Variants in CXCL8 observed in about 807,000 individuals in gnomAD.
The protein encoded by CXCL8 is interleukin-8.
CXCL8 carries 12 observed loss-of-function variants against 10.9 expected under a neutral mutation model. The ratio of observed to expected loss-of-function variants is 1.10; its 90% CI spans 0.71 to 1.79. The LOEUF is 1.79. CXCL8 is among the 40% of genes most tolerant of loss of function. CXCL8 has a pLI of 0.00. For synonymous variants in CXCL8, 41 were observed against 39.6 expected, an observed-to-expected ratio of 1.03 and a Z score of -0.13; for missense variants, 145 against 113.4, an observed-to-expected ratio of 1.28 and a Z score of -1.26.
At chr4:73,741,901 G>A in intron 2 of CXCL8, 48 bp from the exon 3 acceptor site, 1 of 1,393,344 alleles carries the variant, frequency 7.2e-7, no homozygotes, top group South Asian at 1.2e-5. Context: ...ATCATGATTT[G>A]AATGCAAAAA....
chr4:73,740,921 T>C (rs1729155339), intron 1 of CXCL8, among the ~76,000 whole-genome samples, 199 bp downstream of exon 1: 2 of 152,194 alleles, frequency 1.3e-5, no homozygotes, highest in Admixed American at 1.3e-4. Flanking sequence ...GTTTGATCAA[T>C]ATAGATATTC....
chr4:73,743,640 T>C lies in CXCL8; in HGVS notation c.*1176T>C, dbSNP rs1274746409. On this transcript the variant is annotated 3_prime_UTR_variant, in exon 4 of 4. Transcript: ENST00000307407. The stretch of plus-strand genomic sequence containing the variant: ...GATGTTTTTATGTGCTCTCCAAATT[T>C]TTTTTACTGTTTCTGATTGTATGGA... 1.5e-5 allele frequency: 3 copies of C among 201,544 alleles called. No individual in the cohort carries two copies. The highest frequency in any genetic ancestry group is 3.0e-5 in the Non-Finnish European group (3 of 98,526). The allele number at this position is 201,544 out of a possible 1,614,324, so 12.5% of individuals were successfully genotyped here. A position where few individuals can be genotyped will look rare whatever the true frequency, so the allele number is the denominator to read the frequency against.
rs911217748 is a variant in CXCL8 at position 73,742,789 on chromosome 4, T to C, written c.*325T>C. 3.2e-5 allele frequency: 8 copies of C among 253,582 alleles called. No individual in the cohort carries two copies. Among genetic ancestry groups the C allele is most frequent in the Admixed American group, 1.1e-4 (2 of 18,332 alleles). The allele number at this position is 253,582 out of a possible 1,614,324, so 15.7% of individuals were successfully genotyped here. ...ATTGAGGCCAAGGGCCAAGAGAATA[T>C]CCGAACTTTAATTTCAGGAATTGAA... is the stretch of plus-strand genomic sequence containing the variant. On this transcript the variant is annotated 3_prime_UTR_variant, in exon 4 of 4. Coordinates refer to ENST00000307407, the MANE Select transcript of CXCL8 (RefSeq NM_000584.4).
At chr4:73,741,708 GT>G (rs1365347559) in intron 2 of CXCL8, 31 bp downstream of exon 2, 1 of 1,594,464 alleles carries the variant, frequency 6.3e-7, no homozygotes, top group Non-Finnish European at 8.6e-7. Context: ...TAGATATTTT[GT>G]TTTAGCAAAC....
Position 73,741,424 on chromosome 4 carries a change from C to T in CXCL8, c.65-118C>T, listed in dbSNP as rs1729169416. On this transcript the variant is annotated intron_variant, in intron 1 of 3. Transcript: ENST00000307407. The stretch of plus-strand genomic sequence containing the variant: ...AGGAGAATATTCAGGAATGAGTTCA[C>T]TAGAAACATGATGCCTTCCATAGTC... 8 of 951,098 alleles carry T rather than the reference C, an allele frequency of 8.4e-6. No homozygotes were observed. The South Asian group carries it at 1.4e-4, about 16-fold the overall frequency. The allele number at this position is 951,098 out of a possible 1,614,324, so 58.9% of individuals were successfully genotyped here.
Position 73,741,975 on chromosome 4 carries a change from TC to T in CXCL8, c.228del (p.Cys77ValfsTer17). Reference sequence around the variant, plus strand: ...GTAAAGCTTTCTGATGGAAGAGAGCTCTGTCTGGACCCCAAGGAAAACTGGG... The same window carrying T: ...GTAAAGCTTTCTGATGGAAGAGAGCTTGTCTGGACCCCAAGGAAAACTGGG... ...IIVKLSDGRE[L>X]CLDPKENWVQ... On this transcript the variant is annotated frameshift_variant, in exon 3 of 4. Coordinates refer to ENST00000307407, the MANE Select transcript of CXCL8 (RefSeq NM_000584.4). LOFTEE classifies it high-confidence loss of function. The T allele has an allele frequency of 1.9e-6, 3 of 1,611,286 alleles. No homozygotes were observed. The Admixed American group carries it at 5.0e-5, about 27-fold the overall frequency.
chr4:73,740,622 GAAA>G lies in CXCL8; in HGVS notation c.-36_-34del. On this transcript the variant is annotated 5_prime_UTR_variant, in exon 1 of 4. Transcript: ENST00000307407. ...AAGCTTCTAGGACAAGAGCCAGGAA[GAAA>G]CCACCGGAAGGAACCATCTCACTGT... 1 of 1,601,046 alleles carries G rather than the reference GAAA, an allele frequency of 6.2e-7. No homozygotes were observed.
intron 2 of CXCL8, 130 bp downstream of exon 2, chr4:73,741,807 T>A: frequency 9.5e-7 from 1 of 1,056,780 alleles, no homozygotes; most frequent in South Asian, 1.4e-5. Flanking sequence ...TAAAAATATT[T>A]GTCTACATGA....
chr4:73,740,649 G>T lies in CXCL8; in HGVS notation c.-10G>T. On this transcript the variant is annotated 5_prime_UTR_variant, in exon 1 of 4. Transcript: ENST00000307407. ...AACCACCGGAAGGAACCATCTCACTGTGTGTAAACATGACTTCCAAGCTGG... is the reference window on the plus strand; with the variant it reads ...AACCACCGGAAGGAACCATCTCACTTTGTGTAAACATGACTTCCAAGCTGG... 1 of 1,613,052 alleles carries T rather than the reference G, an allele frequency of 6.2e-7. No individual in the cohort carries two copies.
chr4:73,741,823 A>AT, intron 2 of CXCL8, 126 bp from the exon 3 acceptor site: 1 of 1,056,632 alleles, frequency 9.5e-7, no homozygotes, highest in Non-Finnish European at 1.4e-6. Flanking sequence ...CATGACATTT[A>AT]AATATGGTAG....
At chr4:73,740,751 T>C (rs1234665331) in intron 1 of CXCL8, 29 bp downstream of exon 1, 3 of 1,597,092 alleles carry the variant, frequency 1.9e-6, no homozygotes, top group Non-Finnish European at 2.6e-6. Flanking sequence ...CCTACAGCGT[T>C]TTCCTATGTC....
chr4:73,740,689 G>A lies in CXCL8; in HGVS notation c.31G>A (p.Ala11Thr). 1.2e-6 allele frequency: 2 copies of A among 1,613,566 alleles called. No individual in the cohort carries two copies. The highest frequency in any genetic ancestry group is 1.7e-4 in the Middle Eastern group (1 of 6,058). The part of the protein sequence containing the change: MTSKLAVALL[A>T]AFLISAALCE... ...TTCCAAGCTGGCCGTGGCTCTCTTG[G>A]CAGCCTTCCTGATTTCTGCAGCTCT... Residue 11 changes from alanine to threonine, a missense_variant, in exon 1 of 4, where the codon GCA becomes ACA. Ala to Thr is a moderately conservative substitution (Grantham distance 58). Coordinates refer to ENST00000307407, the MANE Select transcript of CXCL8 (RefSeq NM_000584.4).
At chr4:73,741,045 G>A (rs1729158533) in intron 1 of CXCL8, among the ~76,000 whole-genome samples, 1 of 152,084 alleles carries the variant, frequency 6.6e-6, no homozygotes, top group South Asian at 2.1e-4. Context: ...ATTGAGTTGA[G>A]CAAGGTAACT....
In CXCL8 at chr4:73,743,705, T is replaced by C. The variant is rs1385563655; in HGVS notation, c.*1241T>C. 5.1e-6 allele frequency: 1 copy of C among 195,258 alleles called. No homozygotes were observed. The highest frequency in any genetic ancestry group is 1.1e-5 in the Non-Finnish European group (1 of 94,784). The allele number at this position is 195,258 out of a possible 1,614,324, so 12.1% of individuals were successfully genotyped here. A position where few individuals can be genotyped will look rare whatever the true frequency, so the allele number is the denominator to read the frequency against. On this transcript the variant is annotated 3_prime_UTR_variant, in exon 4 of 4. Transcript: ENST00000307407. ...TATGAAACATTTAAAATATAATTTG[T>C]TGTCAAAGTAATCAAGTGTTTGTCT...
intron 2 of CXCL8, 40 bp downstream of exon 2, chr4:73,741,717 A>G: frequency 6.4e-7 from 1 of 1,573,068 alleles, no homozygotes; most frequent in South Asian, 1.1e-5. Context: ...TGTTTTAGCA[A>G]ACTTAAAATT....
intron 2 of CXCL8, 61 bp from the exon 3 acceptor site, chr4:73,741,888 G>A: frequency 7.7e-7 from 1 of 1,291,850 alleles, no homozygotes; most frequent in South Asian, 1.2e-5. Context: ...CCTGACTTAA[G>A]GAATCATGAT....
chr4:73,740,681 C>A lies in CXCL8; in HGVS notation c.23C>A (p.Ala8Asp), dbSNP rs202202182. The A allele has an allele frequency of 6.2e-7, 1 of 1,613,516 alleles. No individual in the cohort carries two copies. Among genetic ancestry groups the A allele is most frequent in the African/African-American group, 1.3e-5 (1 of 74,874 alleles). The change falls in exon 1 of 4, where the codon GCT becomes GAT. Residue 8 changes from alanine to aspartate, a missense_variant. Ala to Asp is a moderately radical substitution (Grantham distance 126, BLOSUM62 -2). Transcript: ENST00000307407. MTSKLAV[A>D]LLAAFLISAA... ...AACATGACTTCCAAGCTGGCCGTGG[C>A]TCTCTTGGCAGCCTTCCTGATTTCT... is the stretch of plus-strand genomic sequence containing the variant.
Position 73,741,532 on chromosome 4 carries a change from C to A in CXCL8, c.65-10C>A. 1 of 1,609,652 alleles carries A rather than the reference C, an allele frequency of 6.2e-7. No homozygotes were observed. Among genetic ancestry groups the A allele is most frequent in the Non-Finnish European group, 8.5e-7 (1 of 1,178,212 alleles). ...TAAAATCAATCCTTAATCACTTTTT[C>A]CCCCAACAGGTGCAGTTTTGCCAAG... is the stretch of plus-strand genomic sequence containing the variant. On this transcript the variant is annotated splice_polypyrimidine_tract_variant and intron_variant, in intron 1 of 3. Coordinates refer to ENST00000307407, the MANE Select transcript of CXCL8 (RefSeq NM_000584.4).
Position 73,742,609 on chromosome 4 carries a change from C to A in CXCL8, c.*145C>A. On this transcript the variant is annotated 3_prime_UTR_variant, in exon 4 of 4. Coordinates refer to ENST00000307407, the MANE Select transcript of CXCL8 (RefSeq NM_000584.4). Reference sequence around the variant, plus strand: ...AAGATTCCTGGTTAAATTTGAATTTCAGTAAACAATGAATAGTTTTTCATT... The same window carrying A: ...AAGATTCCTGGTTAAATTTGAATTTAAGTAAACAATGAATAGTTTTTCATT... 2.2e-6 allele frequency: 1 copy of A among 463,594 alleles called. No homozygotes were observed. The highest frequency in any genetic ancestry group is 5.3e-5 in the South Asian group (1 of 18,870). The allele number at this position is 463,594 out of a possible 1,614,324, so 28.7% of individuals were successfully genotyped here.
Sources: gnomAD v4.1 joint callset for allele counts (sites outside exome capture counted in the v4.1 genomes callset) on GRCh38, gnomAD v4.1.1 for gene constraint, MANE v1.5 for transcripts, NCBI Gene and HGNC (gene_info 2026-07-23, HGNC 2026-07-21) for gene names.